Variants in FBN1 observed in about 807,000 individuals in gnomAD.
FBN1 encodes fibrillin-1.
In FBN1, 29 loss-of-function variants were observed where a neutral mutation model predicts 365.1. The observed-to-expected ratio is 0.08, with a 90% confidence interval of 0.06 to 0.11. FBN1 has a LOEUF of 0.11. Ranked by LOEUF, FBN1 falls within the 10% of genes least tolerant of loss-of-function variation. FBN1 has a pLI of 1.00. For synonymous variants in FBN1, 1,210 were observed against 1,270.5 expected, an observed-to-expected ratio of 0.95 and a Z score of 1.01; for missense variants, 2,476 against 3,703.2, an observed-to-expected ratio of 0.67 and a Z score of 8.60.
At chr15:48,625,717 G>A (rs1238208195) in intron 2 of FBN1, among the ~76,000 whole-genome samples, 1 of 152,180 alleles carries the variant, frequency 6.6e-6, no homozygotes, top group African/African-American at 2.4e-5. Flanking sequence ...TTTCTAGCAC[G>A]AGTGGCTTAC....
At chr15:48,629,620 T>C (rs980015686) in intron 2 of FBN1, among the ~76,000 whole-genome samples, 1 of 152,112 alleles carries the variant, frequency 6.6e-6, no homozygotes, top group Admixed American at 6.6e-5. Context: ...AAAAGTAAAA[T>C]GATTTTTCAA....
chr15:48,498,800 G>C lies in FBN1; in HGVS notation c.2167+185C>G, dbSNP rs528664157. Among the ~76,000 whole-genome samples, 6 of 152,202 alleles carry C rather than the reference G, an allele frequency of 3.9e-5. No homozygotes were observed. The East Asian group carries it at 1.2e-3, about 29-fold the overall frequency. ...CCCACAGCCACACCCAGAAATCCTA[G>C]AGCCCACAGTGCCCCGGCTGCTCTG... On this transcript the variant is annotated intron_variant, in intron 18 of 65. Coordinates refer to ENST00000316623, the MANE Select transcript of FBN1 (RefSeq NM_000138.5).
chr15:48,560,962 G>A (rs1274510917), intron 6 of FBN1, among the ~76,000 whole-genome samples: 2 of 152,136 alleles, frequency 1.3e-5, no homozygotes, highest in Non-Finnish European at 2.9e-5. Flanking sequence ...AACCCCCAGA[G>A]TTGTTGTGAA....
intron 2 of FBN1, among the ~76,000 whole-genome samples, chr15:48,639,008 A>C (rs778035779): frequency 6.6e-6 from 1 of 152,206 alleles, no homozygotes; most frequent in Non-Finnish European, 1.5e-5. Context: ...TGTTTTATTA[A>C]TGTCTTTGCA....
At chr15:48,444,508 C>T (rs1448262555) in intron 49 of FBN1, 33 bp downstream of exon 49, 1 of 1,612,428 alleles carries the variant, frequency 6.2e-7, no homozygotes, top group Non-Finnish European at 8.5e-7. Context: ...ACACCCGACA[C>T]TCCTCATTTG....
chr15:48,441,579 T>C lies in FBN1; in HGVS notation c.6163+142A>G, dbSNP rs1467950642. ...AAGTGAAAATGAACCTTCTGACATATGGTTATCATTAGACCTCTGGGTGAA... is the reference window on the plus strand; with the variant it reads ...AAGTGAAAATGAACCTTCTGACATACGGTTATCATTAGACCTCTGGGTGAA... On this transcript the variant is annotated intron_variant, in intron 50 of 65. Coordinates refer to ENST00000316623, the MANE Select transcript of FBN1 (RefSeq NM_000138.5). The C allele has an allele frequency of 7.8e-6, 8 of 1,031,944 alleles. No individual in the cohort carries two copies. The African/African-American group carries it at 7.9e-5, about 10-fold the overall frequency. The allele number at this position is 1,031,944 out of a possible 1,614,324, so 63.9% of individuals were successfully genotyped here. A position where few individuals can be genotyped will look rare whatever the true frequency, so the allele number is the denominator to read the frequency against.
chr15:48,501,145 G>A (rs544407115), intron 17 of FBN1, among the ~76,000 whole-genome samples: 162 of 152,262 alleles, frequency 1.1e-3, no homozygotes, highest in African/African-American at 3.8e-3. Flanking sequence ...CTTTACTGTT[G>A]CTTTGGTTTG....
chr15:48,501,404 C>T (rs899724979), intron 17 of FBN1, among the ~76,000 whole-genome samples: 1 of 152,216 alleles, frequency 6.6e-6, no homozygotes, highest in African/African-American at 2.4e-5. Context: ...TGTGAAGTGA[C>T]TTGGCAAGAA....
chr15:48,488,563 C>T (rs1372602189), intron 25 of FBN1, 70 bp from the exon 26 acceptor site: 3 of 1,555,894 alleles, frequency 1.9e-6, no homozygotes, highest in Non-Finnish European at 2.6e-6. Context: ...CAATGCCCAC[C>T]ATTTTAAATC....
At chr15:48,515,310 C>T in intron 12 of FBN1, 77 bp downstream of exon 12, 10 of 1,547,182 alleles carry the variant, frequency 6.5e-6, no homozygotes, top group Non-Finnish European at 8.9e-6. Flanking sequence ...GTTGTTACAG[C>T]AGCAATAGAA....
At chr15:48,436,904 CT>C in intron 53 of FBN1, 56 bp downstream of exon 53, 1 of 1,077,752 alleles carries the variant, frequency 9.3e-7, no homozygotes, top group Non-Finnish European at 1.4e-6. Context: ...ACAGTGAATA[CT>C]GTATAGCTTA....
At chr15:48,446,668 C>G (rs1166212683) in intron 47 of FBN1, 38 bp downstream of exon 47, 1 of 1,238,102 alleles carries the variant, frequency 8.1e-7, no homozygotes. Context: ...ACATATAAAA[C>G]TGACTTCCTT....
chr15:48,430,650 C>T, intron 56 of FBN1, 21 bp downstream of exon 56: 1 of 1,613,386 alleles, frequency 6.2e-7, no homozygotes, highest in Non-Finnish European at 8.5e-7. Flanking sequence ...CTCAAAGCTC[C>T]TTCCACAGGG....
intron 25 of FBN1, 37 bp from the exon 26 acceptor site, chr15:48,488,530 A>G (rs1366964363): frequency 1.2e-6 from 2 of 1,607,006 alleles, no homozygotes; most frequent in Non-Finnish European, 1.7e-6. Flanking sequence ...AAATAAGTTT[A>G]TGAGCAAGCA....
At chr15:48,600,799 C>T (rs567270885) in intron 4 of FBN1, among the ~76,000 whole-genome samples, 43 of 152,266 alleles carry the variant, frequency 2.8e-4, no homozygotes, top group Admixed American at 2.7e-3. Flanking sequence ...AATTACAACT[C>T]AATGTCATTT....
chr15:48,497,351 A>G lies in FBN1; in HGVS notation c.2208T>C (p.Asn736=). 2 of 1,614,058 alleles carry G rather than the reference A, an allele frequency of 1.2e-6. No individual in the cohort carries two copies. Among genetic ancestry groups the G allele is most frequent in the Non-Finnish European group, 1.7e-6 (2 of 1,179,906 alleles). ...ECALDPDICP[N]GICENLRGTY... is the part of the protein sequence containing the mutation. ...TCCCACGAAGGTTTTCACAGATTCCATTTGGGCAAATATCAGGATCTAGTG... is the reference window on the plus strand; with the variant it reads ...TCCCACGAAGGTTTTCACAGATTCCGTTTGGGCAAATATCAGGATCTAGTG... The change falls in exon 19 of 66, where the codon AAT becomes AAC. Residue 736 remains asparagine, a synonymous_variant. Transcript: ENST00000316623.
chr15:48,470,497 G>A, intron 36 of FBN1, 137 bp downstream of exon 36: 2 of 1,175,240 alleles, frequency 1.7e-6, no homozygotes, highest in South Asian at 2.5e-5. Flanking sequence ...TCTGAGAAAA[G>A]GTATCTGTGA....
At chr15:48,420,587 G>A in intron 63 of FBN1, 100 bp downstream of exon 63, 1 of 1,498,294 alleles carries the variant, frequency 6.7e-7, no homozygotes, top group Admixed American at 1.7e-5. Context: ...ATGAGTATTT[G>A]TTGCTTCAAT....
At chr15:48,455,590 G>C (rs546577315) in intron 44 of FBN1, among the ~76,000 whole-genome samples, 1 of 152,158 alleles carries the variant, frequency 6.6e-6, no homozygotes, top group South Asian at 2.1e-4. Flanking sequence ...TCCTCTCCAG[G>C]TACCTGATCC....
Sources: allele counts gnomAD v4.1 joint callset (sites outside exome capture counted in the v4.1 genomes callset), GRCh38; gene constraint gnomAD v4.1.1; transcripts MANE v1.5; gene names NCBI Gene and HGNC (gene_info 2026-07-23, HGNC 2026-07-21).